SLC2A13: variants seen among roughly 807,000 people sequenced by gnomAD.
SLC2A13 encodes proton myo-inositol cotransporter.
A neutral mutation model predicts 64.4 loss-of-function variants in SLC2A13; 32 were observed. The observed-to-expected ratio is 0.50, with a 90% CI of 0.37 to 0.67. The LOEUF (loss-of-function observed/expected upper bound fraction) is 0.67. Among genes scored for constraint, SLC2A13 ranks in the 30% least tolerant of loss-of-function variants. The pLI is 0.00. For synonymous variants in SLC2A13, 338 were observed against 327.1 expected (o/e 1.03, Z -0.36); for missense variants, 743 against 829.2 (o/e 0.90, Z 1.28).
At chr12:39,869,733 T>C (rs1359087715) in intron 5 of SLC2A13, among the ~76,000 whole-genome samples, 2 of 152,156 alleles carry the variant, frequency 1.3e-5, no homozygotes, top group African/African-American at 4.8e-5. Context: ...GAGGGAAACA[T>C]GACATAGGCC....
chr12:39,859,980 A>G (rs1271215728), intron 6 of SLC2A13, among the ~76,000 whole-genome samples: 1 of 152,244 alleles, frequency 6.6e-6, no homozygotes, highest in Non-Finnish European at 1.5e-5. Context: ...ACCTAATTGT[A>G]CAAGTCATCT....
rs2136313182 is a variant in SLC2A13, at chr12:40,105,288, A to AGT, written c.519_520dup (p.Leu174HisfsTer18). ...TCCCACGACCAGGCGGCCGGCGAGC[A>AGT]GTGTCTCCTTGTTGTTGGCCGCAGC... is the stretch of plus-strand genomic sequence containing the variant. On this transcript the variant is annotated frameshift_variant, in exon 1 of 10. Transcript: ENST00000280871. LOFTEE classifies it high-confidence loss of function. This position sits in a 1 kb window ranked among gnomAD's most constrained non-coding sequence, Gnocchi z 4.2. 2 of 1,601,044 alleles carry AGT rather than the reference A, an allele frequency of 1.2e-6. No homozygotes were observed. Among genetic ancestry groups the AGT allele is most frequent in the Non-Finnish European group, 1.7e-6 (2 of 1,175,664 alleles).
rs892616673 is a variant in SLC2A13 at position 39,928,238 on chromosome 12, T to C, written c.1034+23019A>G. On this transcript the variant is annotated intron_variant, in intron 4 of 9. Coordinates refer to ENST00000280871, the MANE Select transcript of SLC2A13 (RefSeq NM_052885.4). The stretch of plus-strand genomic sequence containing the variant: ...TAACTTCAAACAGCACTAATATAAG[T>C]TATGCTTTGGCCCAATTGTTGCTTA... Among the ~76,000 whole-genome samples the C allele has an allele frequency of 5.3e-5, 8 of 152,230 alleles. No homozygotes were observed. In the East Asian group the frequency reaches 5.8e-4, roughly 11 times the overall value.
chr12:39,867,186 T>C (rs1592222159), intron 5 of SLC2A13, among the ~76,000 whole-genome samples: 1 of 152,296 alleles, frequency 6.6e-6, no homozygotes. Context: ...TTTTCCCAAA[T>C]TACATCCATA....
chr12:40,028,209 TA>T, intron 3 of SLC2A13, 91 bp downstream of exon 3: 1 of 667,206 alleles, frequency 1.5e-6, no homozygotes, highest in Non-Finnish European at 2.3e-6. Flanking sequence ...ACCCATATAT[TA>T]AAAATATATT....
chr12:40,059,375 A>G (rs1207491354), intron 1 of SLC2A13, among the ~76,000 whole-genome samples: 3 of 152,192 alleles, frequency 2.0e-5, no homozygotes, highest in Non-Finnish European at 2.9e-5. Context: ...GATAAAACAG[A>G]TACACATTGA....
chr12:39,914,797 A>C (rs572632325), intron 4 of SLC2A13, among the ~76,000 whole-genome samples: 1 of 152,126 alleles, frequency 6.6e-6, no homozygotes, highest in East Asian at 1.9e-4. Context: ...AGTCAGAAAA[A>C]CATCGGAAAA....
chr12:39,896,606 AT>A lies in SLC2A13; in HGVS notation c.1035-24646del, dbSNP rs1565529070. 2.0e-5 allele frequency among the ~76,000 whole-genome samples: 3 copies of A among 151,330 alleles called. No homozygotes were observed. The East Asian group carries it at 5.8e-4, about 29-fold the overall frequency. On this transcript the variant is annotated intron_variant, in intron 4 of 9. Coordinates refer to ENST00000280871, the MANE Select transcript of SLC2A13 (RefSeq NM_052885.4). ...TATATATGTATACATATATGTATGTATATGTGTTTATATGTAAATTACATAT... is the reference window on the plus strand; with the variant it reads ...TATATATGTATACATATATGTATGTAATGTGTTTATATGTAAATTACATAT...
At chr12:39,959,384 G>C (rs1946370786) in intron 3 of SLC2A13, among the ~76,000 whole-genome samples, 1 of 152,228 alleles carries the variant, frequency 6.6e-6, no homozygotes. Flanking sequence ...AAGATGTTGT[G>C]ATGGGCCAGT....
At chr12:40,069,545 T>A (rs1378724340) in intron 1 of SLC2A13, among the ~76,000 whole-genome samples, 2 of 152,086 alleles carry the variant, frequency 1.3e-5, no homozygotes, top group Non-Finnish European at 2.9e-5. Flanking sequence ...CCTGTTATTA[T>A]AATTCATTAG....
intron 2 of SLC2A13, among the ~76,000 whole-genome samples, chr12:40,031,463 C>T (rs1411520434): frequency 1.3e-5 from 2 of 152,104 alleles, no homozygotes; most frequent in Non-Finnish European, 2.9e-5. Context: ...TCTTGTGATC[C>T]GCCCACCTTG....
chr12:39,986,461 G>A (rs1947033194), intron 3 of SLC2A13, among the ~76,000 whole-genome samples: 1 of 151,802 alleles, frequency 6.6e-6, no homozygotes, highest in Non-Finnish European at 1.5e-5. Flanking sequence ...AAGGACCAAT[G>A]TTTTTTAAGT....
intron 3 of SLC2A13, among the ~76,000 whole-genome samples, chr12:40,019,862 C>T (rs905267836): frequency 6.6e-6 from 1 of 152,118 alleles, no homozygotes; most frequent in East Asian, 1.9e-4. Context: ...GATTATAGTT[C>T]CGGCTTCATA....
intron 3 of SLC2A13, among the ~76,000 whole-genome samples, chr12:39,966,257 G>C (rs1348025899): frequency 6.6e-6 from 1 of 151,894 alleles, no homozygotes; most frequent in Non-Finnish European, 1.5e-5. Flanking sequence ...CATCATTACA[G>C]AATCTTCTTA....
chr12:40,064,619 C>T (rs1237128175), intron 1 of SLC2A13, among the ~76,000 whole-genome samples: 2 of 152,116 alleles, frequency 1.3e-5, no homozygotes, highest in Admixed American at 6.6e-5. Flanking sequence ...GAATCCTTCA[C>T]AGGCAAGCTA....
intron 1 of SLC2A13, among the ~76,000 whole-genome samples, chr12:40,090,265 TTAA>T (rs1353140841): frequency 1.7e-4 from 26 of 152,332 alleles, no homozygotes; most frequent in Middle Eastern, 6.8e-3. Flanking sequence ...CAAATCTTCA[TTAA>T]TAATATTTTA....
At chr12:39,899,345 A>G (rs185864568) in intron 4 of SLC2A13, among the ~76,000 whole-genome samples, 113 of 152,084 alleles carry the variant, frequency 7.4e-4, no homozygotes, top group African/African-American at 2.6e-3. Flanking sequence ...TATCATTTTT[A>G]TTGCATCTAT....
rs76111030 is a variant in SLC2A13, at chr12:40,022,895, C to A, written c.925+5406G>T. ...AACATGGAATTCACCCCTCCCCCCCCAAAAAAAGCCATTTTCTTTTAGGGG... is the reference window on the plus strand; with the variant it reads ...AACATGGAATTCACCCCTCCCCCCCAAAAAAAAGCCATTTTCTTTTAGGGG... On this transcript the variant is annotated intron_variant, in intron 3 of 9. Coordinates refer to ENST00000280871, the MANE Select transcript of SLC2A13 (RefSeq NM_052885.4). Among the ~76,000 whole-genome samples the A allele has an allele frequency of 6.8e-3, 1,027 of 151,908 alleles. 6 individuals are homozygous for A. The highest frequency in any genetic ancestry group is 0.014 in the Middle Eastern group (4 of 294).
At position 39,764,509 on chromosome 12, in the gene SLC2A13, G is replaced by C. The variant is rs560658442; in HGVS notation, c.1671C>G (p.Val557=). Residue 557 remains valine (V), a synonymous_variant, in exon 9 of 10, where the codon GTC becomes GTG. Coordinates refer to ENST00000280871, the MANE Select transcript of SLC2A13 (RefSeq NM_052885.4). The part of the protein sequence containing the change: ...CSSGINWIFN[V]LVSLTFLHTA... ...TGTGTAAAAATGTTAGTGAAACCAG[G>C]ACATTGAAAATCCAGTTTATTCCAG... is the stretch of plus-strand genomic sequence containing the variant. 1 of 1,610,746 alleles carries C rather than the reference G, an allele frequency of 6.2e-7. No individual in the cohort carries two copies. The highest frequency in any genetic ancestry group is 8.5e-7 in the Non-Finnish European group (1 of 1,178,888).
Sources: gnomAD v4.1 joint callset for allele counts (sites outside exome capture counted in the v4.1 genomes callset) on GRCh38, gnomAD v4.1.1 for gene constraint, Gnocchi (gnomAD v3.1) non-coding constraint, MANE v1.5 for transcripts, NCBI Gene and HGNC (gene_info 2026-07-23, HGNC 2026-07-21) for gene names.